Variants in GLI3 observed in about 807,000 individuals in gnomAD.
GLI3 encodes transcription activator GLI3.
Under a neutral mutation model 100.8 loss-of-function variants are expected in GLI3, and 20 were observed. That is an observed-to-expected ratio of 0.20 (90% CI 0.14 to 0.29). GLI3 has a LOEUF of 0.29. Among genes scored for constraint, GLI3 ranks in the 10% least tolerant of loss-of-function variants. The pLI is 1.00. For synonymous variants in GLI3, 938 were observed against 860.5 expected, an observed-to-expected ratio of 1.09 and a Z score of -1.58; for missense variants, 2,040 against 2,128.5, an observed-to-expected ratio of 0.96 and a Z score of 0.82.
intron 10 of GLI3, among the ~76,000 whole-genome samples, chr7:41,982,858 T>C (rs1280380718): frequency 2.0e-5 from 3 of 152,204 alleles, no homozygotes; most frequent in African/African-American, 7.2e-5. Context: ...CCAATTCACC[T>C]ATTTGGCCCT....
chr7:42,149,440 C>T (rs1786802744), intron 2 of GLI3, among the ~76,000 whole-genome samples: 2 of 152,188 alleles, frequency 1.3e-5, no homozygotes, highest in African/African-American at 4.8e-5. Flanking sequence ...AATAGCAGAT[C>T]AAAGAACCCA....
upstream of GLI3, among the ~76,000 whole-genome samples, chr7:42,239,590 G>T (rs1788903200): frequency 6.6e-6 from 1 of 152,096 alleles, no homozygotes; most frequent in Non-Finnish European, 1.5e-5. Context: ...AAGAAAGACA[G>T]CCAATAAATC....
intron 3 of GLI3, among the ~76,000 whole-genome samples, chr7:42,081,560 C>G (rs951676752): frequency 3.3e-5 from 5 of 152,122 alleles, no homozygotes; most frequent in Non-Finnish European, 5.9e-5. Flanking sequence ...TCATTAGGAA[C>G]GAGAGGCATT....
In GLI3 at chr7:41,965,841, G is replaced by T; in HGVS notation, c.3232C>A (p.Leu1078Met). 6.2e-7 allele frequency: 1 copy of T among 1,613,762 alleles called. No homozygotes were observed. The highest frequency in any genetic ancestry group is 8.5e-7 in the Non-Finnish European group (1 of 1,179,936). ...SITENVTLES[L>M]TMDADANLND... The stretch of plus-strand genomic sequence containing the variant: ...AGGTTGGCATCAGCGTCCATGGTCA[G>T]GGACTCCAGGGTGACGTTCTCGGTG... Residue 1078 changes from leucine to methionine, a missense_variant, in exon 15 of 15, where the codon CTG (leucine) becomes ATG (methionine). By Grantham distance (15) the Leu-to-Met change is conservative. Coordinates refer to ENST00000395925, the MANE Select transcript of GLI3 (RefSeq NM_000168.6).
In GLI3 at chr7:41,972,100, C is replaced by T. The variant is rs192282922; in HGVS notation, c.2103+237G>A. On this transcript the variant is annotated intron_variant, in intron 13 of 14. Transcript: ENST00000395925. The surrounding 1 kb of genome is among the most constrained non-coding windows in gnomAD (Gnocchi z 4.4). ...ACAGACAGTCGTGTCTTTCTTCCTT[C>T]CATGGCACAGTGGTATGGTTCTGGG... Among the ~76,000 whole-genome samples the T allele has an allele frequency of 3.4e-4, 52 of 152,294 alleles. No homozygotes were observed. The highest frequency in any genetic ancestry group is 6.2e-4 in the Non-Finnish European group (42 of 68,022).
upstream of GLI3, among the ~76,000 whole-genome samples, chr7:42,242,814 T>G (rs1562799413): frequency 6.6e-6 from 1 of 152,216 alleles, no homozygotes; most frequent in East Asian, 1.9e-4. Context: ...TTCCAAAAAC[T>G]ATAAGGAATT....
At position 41,961,894 on chromosome 7, in the gene GLI3, A is replaced by G. The variant is rs1787022416; in HGVS notation, c.*2436T>C. 1 of 152,156 alleles carries G rather than the reference A, an allele frequency of 6.6e-6. No homozygotes were observed. The highest frequency in any genetic ancestry group is 2.4e-5 in the African/African-American group (1 of 41,422). 9.4% of individuals were successfully genotyped at this position (152,156 alleles called of 1,614,324 possible). A position where few individuals can be genotyped will look rare whatever the true frequency, so the allele number is the denominator to read the frequency against. On this transcript the variant is annotated 3_prime_UTR_variant, in exon 15 of 15. Transcript: ENST00000395925. Reference sequence around the variant, plus strand: ...TCTCCTCTGTCCTTCTGAAATTTCCATATTGAGAGAAGCCAAACATTGAGC... The same window carrying G: ...TCTCCTCTGTCCTTCTGAAATTTCCGTATTGAGAGAAGCCAAACATTGAGC...
chr7:42,246,683 A>G (rs1788977658), intron 1 of GLI3, among the ~76,000 whole-genome samples: 1 of 152,180 alleles, frequency 6.6e-6, no homozygotes, highest in South Asian at 2.1e-4. Flanking sequence ...GGAATCTCCA[A>G]GGTTATGTTC....
chr7:42,048,089 G>T (rs554259225), intron 5 of GLI3, among the ~76,000 whole-genome samples: 1 of 152,166 alleles, frequency 6.6e-6, no homozygotes, highest in Non-Finnish European at 1.5e-5. Flanking sequence ...ATCAGAAGGT[G>T]AGTAAAACAC....
intron 3 of GLI3, among the ~76,000 whole-genome samples, chr7:42,120,530 G>C (rs866184788): frequency 4.6e-4 from 70 of 152,222 alleles, no homozygotes; most frequent in African/African-American, 1.6e-3. Flanking sequence ...TCCGTTGTGG[G>C]ATGCAGTAAA....
At chr7:41,978,036 A>T (rs908313537) in intron 11 of GLI3, 6 of 433,238 alleles carry the variant, frequency 1.4e-5, no homozygotes, top group African/African-American at 1.2e-4. Flanking sequence ...ATTCAGCACA[A>T]AGTTCATTAA....
intron 3 of GLI3, among the ~76,000 whole-genome samples, chr7:42,084,901 C>CTTTTTTTTTTTTTTTTTTTTT (rs747166719): frequency 4.2e-5 from 2 of 47,514 alleles, no homozygotes; most frequent in African/African-American, 2.1e-4. Context: ...CATTTGGATT[C>CTTTTTTTTTTTTTTTTTTTTT]TTTTTTTTTT....
intron 2 of GLI3, among the ~76,000 whole-genome samples, chr7:42,158,207 T>C (rs1562764072): frequency 6.6e-6 from 1 of 152,220 alleles, no homozygotes; most frequent in Non-Finnish European, 1.5e-5. Context: ...ATTGAGCACT[T>C]ACTAAACGCC....
At chr7:42,163,108 C>A (rs1211258556) in intron 2 of GLI3, among the ~76,000 whole-genome samples, 1 of 151,368 alleles carries the variant, frequency 6.6e-6, no homozygotes. Context: ...GCAATACTGA[C>A]CTCCTTCTGT....
At chr7:42,157,342 T>A (rs964214081) in intron 2 of GLI3, among the ~76,000 whole-genome samples, 2 of 152,196 alleles carry the variant, frequency 1.3e-5, no homozygotes, top group Non-Finnish European at 1.5e-5. Context: ...TCTGTACCTT[T>A]ACAAAATCTC....
At chr7:42,001,644 G>A (rs1341744994) in intron 10 of GLI3, among the ~76,000 whole-genome samples, 1 of 152,066 alleles carries the variant, frequency 6.6e-6, no homozygotes, top group Non-Finnish European at 1.5e-5. Context: ...AAATATTTCA[G>A]GAAAGAAGAA....
intron 7 of GLI3, among the ~76,000 whole-genome samples, chr7:42,034,052 T>C (rs1355773662): frequency 1.3e-5 from 2 of 152,184 alleles, no homozygotes; most frequent in Admixed American, 6.5e-5. Flanking sequence ...GCCAAATAGA[T>C]ATGACCTCAA....
intron 2 of GLI3, among the ~76,000 whole-genome samples, chr7:42,149,117 C>G (rs181156050): frequency 3.2e-4 from 49 of 152,330 alleles, no homozygotes; most frequent in South Asian, 1.0e-3. Context: ...TGAAAACCTA[C>G]AGAGCCTCTC....
chr7:42,174,071 T>G (rs1038314483), intron 2 of GLI3, among the ~76,000 whole-genome samples: 18 of 152,186 alleles, frequency 1.2e-4, no homozygotes, highest in African/African-American at 4.3e-4. Context: ...TTAAATTAAA[T>G]GCAGCATGGT....
Sources: gnomAD v4.1 joint callset for allele counts (sites outside exome capture counted in the v4.1 genomes callset) on GRCh38, gnomAD v4.1.1 for gene constraint, Gnocchi (gnomAD v3.1) non-coding constraint, MANE v1.5 for transcripts, NCBI Gene and HGNC (gene_info 2026-07-23, HGNC 2026-07-21) for gene names.